Variants in ORC5 observed in about 807,000 individuals in gnomAD.
ORC5 encodes the protein origin recognition complex subunit 5, also known as protein phosphatase 1, regulatory subunit 117.
In ORC5, 39 loss-of-function variants were observed where a neutral mutation model predicts 58.8. The ratio of observed to expected loss-of-function variants is 0.66; its 90% CI spans 0.51 to 0.87. The LOEUF is 0.87. Among genes scored for constraint, ORC5 ranks in the 40% least tolerant of loss-of-function variants. The pLI is 0.00. For missense variants in ORC5, 493 were observed against 506.3 expected, an observed-to-expected ratio of 0.97 and a Z score of 0.25; for synonymous variants, 218 against 177.6, an observed-to-expected ratio of 1.23 and a Z score of -1.81.
At chr7:104,173,837 A>C (rs918570233) in intron 8 of ORC5, among the ~76,000 whole-genome samples, 1 of 125,276 alleles carries the variant, frequency 8.0e-6, no homozygotes, top group Non-Finnish European at 1.7e-5. Context: ...CTGGGTTTAA[A>C]ATTTTTTCTT....
intron 12 of ORC5, among the ~76,000 whole-genome samples, chr7:104,160,712 T>C (rs1313361871): frequency 1.3e-5 from 2 of 152,032 alleles, no homozygotes; most frequent in East Asian, 1.9e-4. Context: ...ATTACTCTGT[T>C]ACAAAAAAAA....
intron 6 of ORC5, 52 bp downstream of exon 6, chr7:104,188,198 AC>A: frequency 8.6e-7 from 1 of 1,167,170 alleles, no homozygotes; most frequent in Non-Finnish European, 1.2e-6. Context: ...ATATGTATAC[AC>A]ACACACACAC....
At chr7:104,198,311 T>C (rs1389017690) in intron 3 of ORC5, among the ~76,000 whole-genome samples, 1 of 152,214 alleles carries the variant, frequency 6.6e-6, no homozygotes, top group Non-Finnish European at 1.5e-5. Flanking sequence ...TAGAGACTTG[T>C]TAGATGGCTT....
chr7:104,126,811 C>A lies in ORC5; in HGVS notation c.*37G>T. ...CTGGATGAACACAGCTTGGCTTAGT[C>A]ATTGTCACAGTGTCCATATGGCTTT... is the stretch of plus-strand genomic sequence containing the variant. On this transcript the variant is annotated 3_prime_UTR_variant, in exon 14 of 14. Coordinates refer to ENST00000297431, the MANE Select transcript of ORC5 (RefSeq NM_002553.4). 6.6e-7 allele frequency: 1 copy of A among 1,514,138 alleles called. No individual in the cohort carries two copies. Among genetic ancestry groups the A allele is most frequent in the Non-Finnish European group, 9.1e-7 (1 of 1,096,288 alleles). 93.8% of individuals were successfully genotyped at this position (1,514,138 alleles called of 1,614,324 possible). A position where few individuals can be genotyped will look rare whatever the true frequency, so the allele number is the denominator to read the frequency against.
chr7:104,188,098 C>T (rs1157614502), intron 6 of ORC5, 153 bp downstream of exon 6: 2 of 933,086 alleles, frequency 2.1e-6, no homozygotes, highest in Non-Finnish European at 2.9e-6. Context: ...TCTCTAGAGG[C>T]CATATGCAAA....
chr7:104,206,636 G>C (rs1220498283), intron 1 of ORC5, among the ~76,000 whole-genome samples: 1 of 152,206 alleles, frequency 6.6e-6, no homozygotes, highest in Non-Finnish European at 1.5e-5. Context: ...ACAGAGGGTA[G>C]TACTTTTCCA....
At chr7:104,148,651 T>C (rs1044330476) in intron 12 of ORC5, among the ~76,000 whole-genome samples, 3 of 152,194 alleles carry the variant, frequency 2.0e-5, no homozygotes, top group African/African-American at 7.2e-5. Flanking sequence ...TAATGTGGAA[T>C]TGATTTAACC....
chr7:104,202,282 C>G (rs1799964224), intron 2 of ORC5: 1 of 207,924 alleles, frequency 4.8e-6, no homozygotes, highest in Non-Finnish European at 1.0e-5. Context: ...AATAATGGAA[C>G]TGGTAACTAT....
rs774854490 is a variant in ORC5, at chr7:104,200,954, G to T, written c.170C>A (p.Pro57Gln). 1 of 1,611,996 alleles carries T rather than the reference G, an allele frequency of 6.2e-7. No individual in the cohort carries two copies. Among genetic ancestry groups the T allele is most frequent in the South Asian group, 1.1e-5 (1 of 90,806 alleles). ...TTCAACACAATTCACAAACACATGTGGGAGCTGAAAACGAAAACCAAAACA... is the reference window on the plus strand; with the variant it reads ...TTCAACACAATTCACAAACACATGTTGGAGCTGAAAACGAAAACCAAAACA... ...TQTLLKTLEL[P>Q]HVFVNCVECF... The change falls in exon 3 of 14, where the codon CCA (proline) becomes CAA (glutamine). Residue 57 changes from proline (P) to glutamine (Q), a missense_variant. Coordinates refer to ENST00000297431, the MANE Select transcript of ORC5 (RefSeq NM_002553.4).
At chr7:104,127,185 C>T (rs1798442520) in intron 13 of ORC5, among the ~76,000 whole-genome samples, 1 of 151,488 alleles carries the variant, frequency 6.6e-6, no homozygotes, top group Non-Finnish European at 1.5e-5. Flanking sequence ...AAAGTTTAGA[C>T]TTCATTTGAA....
chr7:104,174,299 G>C (rs576914462), intron 8 of ORC5, among the ~76,000 whole-genome samples: 1 of 152,258 alleles, frequency 6.6e-6, no homozygotes, highest in East Asian at 1.9e-4. Flanking sequence ...CTAATTAAAA[G>C]CCACTACGAT....
chr7:104,157,585 T>C (rs955730447), intron 12 of ORC5, among the ~76,000 whole-genome samples: 1 of 152,122 alleles, frequency 6.6e-6, no homozygotes, highest in Admixed American at 6.6e-5. Context: ...GGCACTGCTA[T>C]AACCACGAAG....
Position 104,136,882 on chromosome 7 carries a change from TAG to T in ORC5, c.1159_1160del (p.Leu387SerfsTer12). On this transcript the variant is annotated frameshift_variant, in exon 13 of 14. Transcript: ENST00000297431. LOFTEE classifies it high-confidence loss of function. The surrounding 1 kb of genome is among the most constrained non-coding windows in gnomAD (Gnocchi z 4.2). Reference sequence around the variant, plus strand: ...CCAGGGTTAACAGCTGAAGGGTCACTAGAGAGGTAATCTAAAAGAGAACATTT... The same window carrying T: ...CCAGGGTTAACAGCTGAAGGGTCACTAGAGGTAATCTAAAAGAGAACATTT... ...TANIFSQITS[L>X]VTLQLLTLVG... The T allele has an allele frequency of 6.2e-7, 1 of 1,611,108 alleles. No individual in the cohort carries two copies. Among genetic ancestry groups the T allele is most frequent in the Non-Finnish European group, 8.5e-7 (1 of 1,177,344 alleles).
At chr7:104,169,306 A>ATACT (rs1799167105) in intron 8 of ORC5, among the ~76,000 whole-genome samples, 1 of 88,278 alleles carries the variant, frequency 1.1e-5, no homozygotes, top group Non-Finnish European at 3.7e-5. Context: ...TCCTTGTAGG[A>ATACT]TGCTTGCAGA....
At chr7:104,149,538 G>A (rs560526902) in intron 12 of ORC5, among the ~76,000 whole-genome samples, 1 of 152,154 alleles carries the variant, frequency 6.6e-6, no homozygotes, top group South Asian at 2.1e-4. Flanking sequence ...ACAGAACAAA[G>A]TTTTGTTTTT....
intron 12 of ORC5, among the ~76,000 whole-genome samples, chr7:104,153,288 T>A (rs190278412): frequency 6.6e-6 from 1 of 152,136 alleles, no homozygotes; most frequent in Non-Finnish European, 1.5e-5. Context: ...AGAACAGTAA[T>A]ATGTCCACAC....
chr7:104,188,605 C>G (rs1394170676), intron 5 of ORC5, among the ~76,000 whole-genome samples: 2 of 152,108 alleles, frequency 1.3e-5, no homozygotes, highest in Non-Finnish European at 2.9e-5. Flanking sequence ...CTTCTAAAAA[C>G]CCTCATAATT....
chr7:104,167,025 A>C (rs1440677720), intron 9 of ORC5, 141 bp from the exon 10 acceptor site: 1 of 572,988 alleles, frequency 1.7e-6, no homozygotes, highest in Admixed American at 3.2e-5. Flanking sequence ...GTGTCATGAT[A>C]ATGATGGTCG....
chr7:104,169,279 T>C (rs1328904121), intron 8 of ORC5, among the ~76,000 whole-genome samples: 1 of 150,312 alleles, frequency 6.7e-6, no homozygotes, highest in Non-Finnish European at 1.5e-5. Context: ...CAGTCAATAC[T>C]AGAGCTACGA....
Sources: allele counts gnomAD v4.1 joint callset (sites outside exome capture counted in the v4.1 genomes callset), GRCh38; gene constraint gnomAD v4.1.1; non-coding constraint Gnocchi (gnomAD v3.1); transcripts MANE v1.5; gene names NCBI Gene and HGNC (gene_info 2026-07-23, HGNC 2026-07-21).